Variants in ANKS1A observed in about 807,000 individuals in gnomAD.
The protein encoded by ANKS1A is ankyrin repeat and SAM domain-containing protein 1A.
ANKS1A carries 55 observed loss-of-function variants against 120.3 expected under a neutral mutation model. That is an observed-to-expected ratio of 0.46 (90% CI 0.37 to 0.57). The LOEUF (loss-of-function observed/expected upper bound fraction) is 0.57. Among genes scored for constraint, ANKS1A ranks in the 20% least tolerant of loss-of-function variants. ANKS1A has a pLI of 0.00. For synonymous variants in ANKS1A, 590 were observed against 604.7 expected, an observed-to-expected ratio of 0.98 and a Z score of 0.36; for missense variants, 1,123 against 1,480.3, an observed-to-expected ratio of 0.76 and a Z score of 3.96.
At chr6:35,097,637 G>GAAAAAA in the ANKS1A span, among the ~76,000 whole-genome samples, 38 of 89,678 alleles carry the variant, frequency 4.2e-4, no homozygotes, top group East Asian at 8.8e-4. Flanking sequence ...AAAGCCAAAA[G>GAAAAAA]AAAAAAAAAA....
chr6:34,992,453 A>G (rs531324808), intron 9 of ANKS1A, among the ~76,000 whole-genome samples: 1 of 152,186 alleles, frequency 6.6e-6, no homozygotes, highest in African/African-American at 2.4e-5. Flanking sequence ...CCAGGCTGTC[A>G]ATTACCTACC....
chr6:35,016,213 G>A (rs1176109335), intron 10 of ANKS1A, among the ~76,000 whole-genome samples: 1 of 152,182 alleles, frequency 6.6e-6, no homozygotes, highest in Non-Finnish European at 1.5e-5. Flanking sequence ...AGGCTTCTAG[G>A]TTGAAGTCTT....
chr6:35,083,687 G>A (rs1036511820), intron 20 of ANKS1A, among the ~76,000 whole-genome samples, 184 bp downstream of exon 20: 5 of 152,286 alleles, frequency 3.3e-5, no homozygotes, highest in South Asian at 2.1e-4. Context: ...CTGGGTGCCT[G>A]CTGTCAGCCC....
At chr6:35,023,698 T>G (rs1581661628) in intron 11 of ANKS1A, 1 of 363,666 alleles carries the variant, frequency 2.7e-6, no homozygotes, top group East Asian at 7.7e-5. Flanking sequence ...GGTAGAGAGA[T>G]TCGACCAATT....
intron 10 of ANKS1A, among the ~76,000 whole-genome samples, chr6:35,011,739 A>G (rs1015537488): frequency 1.3e-5 from 2 of 152,216 alleles, no homozygotes. Context: ...CAGAGTCAGG[A>G]GAAGGGAAAC....
At chr6:35,042,723 C>T (rs1205273167) in intron 11 of ANKS1A, among the ~76,000 whole-genome samples, 1 of 152,208 alleles carries the variant, frequency 6.6e-6, no homozygotes, top group African/African-American at 2.4e-5. Flanking sequence ...ATGTGCCAGC[C>T]ACCCTCCCTG....
At chr6:35,047,228 G>A (rs1003458161) in intron 11 of ANKS1A, among the ~76,000 whole-genome samples, 22 of 152,132 alleles carry the variant, frequency 1.4e-4, no homozygotes, top group African/African-American at 4.8e-4. Context: ...ATATAATTTG[G>A]TACTCAGAAT....
At chr6:35,066,457 G>A (rs1776781650) in intron 13 of ANKS1A, among the ~76,000 whole-genome samples, 1 of 152,122 alleles carries the variant, frequency 6.6e-6, no homozygotes, top group African/African-American at 2.4e-5. Context: ...AGAGGAAGGT[G>A]TTTCAGGATG....
At chr6:34,981,014 TGAA>T (rs1198259367) in intron 3 of ANKS1A, among the ~76,000 whole-genome samples, 2 of 152,202 alleles carry the variant, frequency 1.3e-5, no homozygotes, top group African/African-American at 4.8e-5. Flanking sequence ...GCCATTTTAA[TGAA>T]GTAGATACTG....
At chr6:34,994,548 T>C in intron 10 of ANKS1A, 126 bp downstream of exon 10, 10 of 1,377,216 alleles carry the variant, frequency 7.3e-6, no homozygotes, top group South Asian at 1.3e-5. Flanking sequence ...GGTTTCACGA[T>C]GATCTGGGAT....
At chr6:35,027,603 T>G (rs750088667) in intron 11 of ANKS1A, among the ~76,000 whole-genome samples, 26 of 152,246 alleles carry the variant, frequency 1.7e-4, no homozygotes, top group Admixed American at 1.0e-3. Flanking sequence ...AGAAAACAAT[T>G]AATCTGGACC....
chr6:34,915,304 T>C (rs1768103157), intron 1 of ANKS1A, among the ~76,000 whole-genome samples: 1 of 152,232 alleles, frequency 6.6e-6, no homozygotes, highest in Admixed American at 6.5e-5. Flanking sequence ...TAATTAGTAC[T>C]GCAGCTGTCG....
At chr6:35,004,491 A>G (rs1455653551) in intron 10 of ANKS1A, among the ~76,000 whole-genome samples, 1 of 152,156 alleles carries the variant, frequency 6.6e-6, no homozygotes, top group Non-Finnish European at 1.5e-5. Context: ...TAAAAATTAC[A>G]TTTTTATATT....
At chr6:34,949,373 G>A (rs1769958524) in intron 1 of ANKS1A, among the ~76,000 whole-genome samples, 1 of 152,172 alleles carries the variant, frequency 6.6e-6, no homozygotes, top group South Asian at 2.1e-4. Context: ...TGCATGTCAG[G>A]CTAAGAAGTT....
chr6:34,985,035 A>AT, intron 7 of ANKS1A, 47 bp from the exon 8 acceptor site: 1 of 1,569,312 alleles, frequency 6.4e-7, no homozygotes, highest in Non-Finnish European at 8.7e-7. Flanking sequence ...GGAACCTGAG[A>AT]TTCTGCTCCC....
At chr6:34,943,038 G>A (rs1769611115) in intron 1 of ANKS1A, among the ~76,000 whole-genome samples, 1 of 150,804 alleles carries the variant, frequency 6.6e-6, no homozygotes, top group African/African-American at 2.4e-5. Context: ...TACAGTCAAA[G>A]CTCACTATAA....
At chr6:34,977,238 T>G (rs1256668193) in intron 3 of ANKS1A, among the ~76,000 whole-genome samples, 1 of 152,222 alleles carries the variant, frequency 6.6e-6, no homozygotes, top group Non-Finnish European at 1.5e-5. Flanking sequence ...GTATACATTT[T>G]TGGCAGGAGC....
In ANKS1A at chr6:35,059,445, A is replaced by G. The variant is rs1165143450; in HGVS notation, c.2078-702A>G. Among the ~76,000 whole-genome samples, 5 of 152,212 alleles carry G rather than the reference A, an allele frequency of 3.3e-5. No homozygotes were observed. The East Asian group carries it at 9.6e-4, about 29-fold the overall frequency. ...AAGGGCCGGTGGCCATGGTTTGCTTATTCCGGGACTGCTGGGGGAAAACAA... is the reference window on the plus strand; with the variant it reads ...AAGGGCCGGTGGCCATGGTTTGCTTGTTCCGGGACTGCTGGGGGAAAACAA... On this transcript the variant is annotated intron_variant, in intron 12 of 23. Coordinates refer to ENST00000360359, the MANE Select transcript of ANKS1A (RefSeq NM_015245.3).
At chr6:35,022,166 C>T (rs1380744132) in intron 11 of ANKS1A, among the ~76,000 whole-genome samples, 1 of 152,146 alleles carries the variant, frequency 6.6e-6, no homozygotes, top group East Asian at 1.9e-4. Context: ...GGCACCTTCC[C>T]CACTGTTCTC....
Sources: gnomAD v4.1 joint callset for allele counts (sites outside exome capture counted in the v4.1 genomes callset) on GRCh38, gnomAD v4.1.1 for gene constraint, MANE v1.5 for transcripts, NCBI Gene and HGNC (gene_info 2026-07-23, HGNC 2026-07-21) for gene names.